SLC17A1: variants seen among roughly 807,000 people sequenced by gnomAD.
SLC17A1 encodes solute carrier family 17 member 1, also known as sodium-dependent phosphate transport protein 1.
A neutral mutation model predicts 53.5 loss-of-function variants in SLC17A1; 51 were observed. The observed-to-expected ratio is 0.95, with a 90% CI of 0.76 to 1.20. SLC17A1 has a LOEUF of 1.20. Among genes scored for constraint, SLC17A1 ranks in the 50% most tolerant of loss-of-function variants. The probability of loss-of-function intolerance (pLI) is 0.00; values close to 1 mark genes in which losing one functional copy is unlikely to be tolerated. For synonymous variants in SLC17A1, 179 were observed against 198.8 expected (o/e 0.90, Z 0.84); for missense variants, 538 against 568.2 (o/e 0.95, Z 0.54).
At chr6:25,784,830 G>A (rs1763345181) in intron 12 of SLC17A1, among the ~76,000 whole-genome samples, 1 of 152,056 alleles carries the variant, frequency 6.6e-6, no homozygotes, top group Admixed American at 6.6e-5. Flanking sequence ...TAAAATATGT[G>A]TTTTCTCTCT....
the SLC17A1 span, among the ~76,000 whole-genome samples, chr6:25,727,791 T>C: frequency 2.0e-5 from 3 of 151,826 alleles, no homozygotes; most frequent in African/African-American, 7.3e-5. Flanking sequence ...AGGTCGAGGC[T>C]GGCGGTTCAT....
chr6:25,771,102 A>C, the SLC17A1 span: 17 of 1,035,260 alleles, frequency 1.6e-5, no homozygotes, highest in Non-Finnish European at 2.6e-5. Context: ...ATAGATATGG[A>C]TATTTACATA....
the SLC17A1 span, among the ~76,000 whole-genome samples, chr6:25,725,328 C>T: frequency 2.1e-3 from 322 of 152,276 alleles, 1 homozygote; most frequent in Middle Eastern, 0.024. Context: ...ATTTTACTTA[C>T]ATTTTAAGAA....
chr6:25,773,548 T>C, the SLC17A1 span: 5 of 1,613,858 alleles, frequency 3.1e-6, no homozygotes, highest in Non-Finnish European at 4.2e-6. Context: ...CCATTAGGGC[T>C]ATGATCAAAT....
chr6:25,764,436 A>G, the SLC17A1 span, among the ~76,000 whole-genome samples: 1 of 152,226 alleles, frequency 6.6e-6, no homozygotes, highest in Non-Finnish European at 1.5e-5. Flanking sequence ...AGCCATGGAA[A>G]TGAATAAAAC....
At chr6:25,733,804 G>A in the SLC17A1 span, among the ~76,000 whole-genome samples, 960 of 62,302 alleles carry the variant, frequency 0.015, 8 homozygotes, top group East Asian at 0.096. Flanking sequence ...GTGTGTGTGT[G>A]TATGTGTGTG....
At chr6:25,747,676 A>G in the SLC17A1 span, among the ~76,000 whole-genome samples, 3 of 152,260 alleles carry the variant, frequency 2.0e-5, no homozygotes, top group South Asian at 4.1e-4. Context: ...TAGTGCCTTT[A>G]TAAGAAAAGA....
chr6:25,748,086 T>G, the SLC17A1 span, among the ~76,000 whole-genome samples: 2 of 152,206 alleles, frequency 1.3e-5, no homozygotes, highest in Non-Finnish European at 2.9e-5. Flanking sequence ...TCTTAATACA[T>G]GGGCCAAATA....
At chr6:25,783,984 G>T (rs527719348) in intron 12 of SLC17A1, among the ~76,000 whole-genome samples, 1 of 92,664 alleles carries the variant, frequency 1.1e-5, no homozygotes, top group African/African-American at 3.1e-5. Context: ...AGGGGGAGTG[G>T]CCAAGGTTCT....
chr6:25,810,882 C>T (rs1212291942), intron 10 of SLC17A1, among the ~76,000 whole-genome samples: 2 of 152,024 alleles, frequency 1.3e-5, no homozygotes, highest in African/African-American at 4.8e-5. Flanking sequence ...AATGGCATAA[C>T]AAACATGTGG....
intron 8 of SLC17A1, among the ~76,000 whole-genome samples, chr6:25,812,189 G>C (rs1291322384): frequency 1.3e-5 from 2 of 152,204 alleles, no homozygotes; most frequent in Non-Finnish European, 2.9e-5. Context: ...TTGAGTCAGA[G>C]AGAGTTTATA....
the SLC17A1 span, among the ~76,000 whole-genome samples, chr6:25,749,417 C>A: frequency 6.6e-6 from 1 of 152,174 alleles, no homozygotes; most frequent in South Asian, 2.1e-4. Flanking sequence ...AATGGAGTTT[C>A]TTATGTCTTC....
the SLC17A1 span, chr6:25,773,774 G>T: frequency 7.6e-7 from 1 of 1,308,622 alleles, no homozygotes; most frequent in Non-Finnish European, 1.0e-6. Context: ...CAAAATCGGG[G>T]GATTAGGACC....
Position 25,828,718 on chromosome 6 carries a change from C to T in SLC17A1, c.34+1806G>A, listed in dbSNP as rs924837950. On this transcript the variant is annotated intron_variant, in intron 2 of 12. Coordinates refer to ENST00000244527, the MANE Select transcript of SLC17A1 (RefSeq NM_005074.5). ...TAATAAATATTTTACATCATCTTAC[C>T]GAATTGAATTTTATATCATTTTGCA... Among the ~76,000 whole-genome samples, 32 of 151,488 alleles carry T rather than the reference C, an allele frequency of 2.1e-4. 1 individual carries two copies. Among genetic ancestry groups the T allele is most frequent in the African/African-American group, 7.0e-4 (29 of 41,276 alleles).
rs1764161912 is a variant in SLC17A1, at chr6:25,811,646, G to A, written c.1022C>T (p.Thr341Ile). 6.2e-7 allele frequency: 1 copy of A among 1,613,972 alleles called. No homozygotes were observed. The highest frequency in any genetic ancestry group is 8.5e-7 in the Non-Finnish European group (1 of 1,179,882). ...LSVIAVRKLFTAAGFLLPAIF... is the reference protein window; with the variant it reads ...LSVIAVRKLFIAAGFLLPAIF... The stretch of plus-strand genomic sequence containing the variant: ...TTCTGGCTGTTGCTTACCTGCTGCT[G>A]TGAAGAGTTTCCGGACAGCAATTAC... Residue 341 changes from threonine to isoleucine, a missense_variant, in exon 9 of 13, where the codon ACA becomes ATA. Coordinates refer to ENST00000244527, the MANE Select transcript of SLC17A1 (RefSeq NM_005074.5).
At chr6:25,750,803 G>A in the SLC17A1 span, among the ~76,000 whole-genome samples, 2 of 152,064 alleles carry the variant, frequency 1.3e-5, no homozygotes, top group African/African-American at 4.8e-5. Context: ...GGGGGGTGTC[G>A]TATTTTAAAA....
chr6:25,777,075 G>A, the SLC17A1 span: 6 of 1,116,114 alleles, frequency 5.4e-6, no homozygotes, highest in Non-Finnish European at 7.7e-6. Context: ...GGAAATGTCA[G>A]CACCAGCTCT....
chr6:25,762,531 T>C, the SLC17A1 span, among the ~76,000 whole-genome samples: 1 of 152,224 alleles, frequency 6.6e-6, no homozygotes, highest in Admixed American at 6.5e-5. Flanking sequence ...AGGGAAACTG[T>C]AGAACATCTT....
At chr6:25,809,395 AGCAAGCAACT>A (rs1764071054) in intron 10 of SLC17A1, among the ~76,000 whole-genome samples, 1 of 152,092 alleles carries the variant, frequency 6.6e-6, no homozygotes. Context: ...TTTATACAAA[AGCAAGCAACT>A]TTTAGCAACG....
Sources: gnomAD v4.1 joint callset for allele counts (sites outside exome capture counted in the v4.1 genomes callset) on GRCh38, gnomAD v4.1.1 for gene constraint, MANE v1.5 for transcripts, NCBI Gene and HGNC (gene_info 2026-07-23, HGNC 2026-07-21) for gene names.